The following TMEM178B variants were observed in gnomAD, a reference collection of about 807,000 sequenced individuals.
TMEM178B encodes transmembrane protein 178B.
TMEM178B carries 5 observed loss-of-function variants against 31.0 expected under a neutral mutation model. That is an observed-to-expected ratio of 0.16 (90% CI 0.08 to 0.34). The LOEUF (loss-of-function observed/expected upper bound fraction) is 0.34, where lower values mean the gene tolerates loss of function less well. Ranked by LOEUF, TMEM178B falls within the 10% of genes least tolerant of loss-of-function variation. The pLI is 1.00. For missense variants in TMEM178B, 275 were observed against 400.3 expected, an observed-to-expected ratio of 0.69 and a Z score of 2.67; for synonymous variants, 164 against 164.0, an observed-to-expected ratio of 1.00 and a Z score of 0.00.
chr7:141,332,996 G>A (rs758798710), intron 2 of TMEM178B, among the ~76,000 whole-genome samples: 6 of 152,056 alleles, frequency 3.9e-5, no homozygotes, highest in Non-Finnish European at 8.8e-5. Context: ...CCATCCATTT[G>A]GAATCCACCA....
chr7:141,448,354 A>G (rs1586967344), intron 3 of TMEM178B, among the ~76,000 whole-genome samples: 1 of 152,120 alleles, frequency 6.6e-6, no homozygotes, highest in Non-Finnish European at 1.5e-5. Flanking sequence ...AACGTTGGGT[A>G]TGAATAATTA....
At chr7:141,337,115 A>C (rs1799423286) in intron 2 of TMEM178B, among the ~76,000 whole-genome samples, 1 of 70,110 alleles carries the variant, frequency 1.4e-5, no homozygotes. Flanking sequence ...CACCACCACC[A>C]CCATCACCAC....
chr7:141,085,861 C>T (rs184667118), intron 1 of TMEM178B, among the ~76,000 whole-genome samples: 155 of 151,970 alleles, frequency 1.0e-3, no homozygotes, highest in Non-Finnish European at 1.9e-3. Flanking sequence ...GCCTGTGGCC[C>T]GGCCCTTCCA....
intron 2 of TMEM178B, among the ~76,000 whole-genome samples, chr7:141,335,987 G>C (rs1799378753): frequency 6.6e-6 from 1 of 152,186 alleles, no homozygotes; most frequent in African/African-American, 2.4e-5. Flanking sequence ...CACAGCTTTA[G>C]ATCATTTCAC....
chr7:141,358,722 G>A lies in TMEM178B; in HGVS notation c.497-78886G>A, dbSNP rs116041176. Among the ~76,000 whole-genome samples, 471 of 152,106 alleles carry A rather than the reference G, an allele frequency of 3.1e-3. 1 individual carries two copies. Among genetic ancestry groups the A allele is most frequent in the African/African-American group, 9.7e-3 (403 of 41,504 alleles). On this transcript the variant is annotated intron_variant, in intron 2 of 3. Transcript: ENST00000565468. ...TCAAAGAATTCTAATAAGTCGGCAA[G>A]CATTCCCTTGTTTGAGCCATCTGGC...
chr7:141,509,854 C>T, the TMEM178B span, among the ~76,000 whole-genome samples: 4 of 152,152 alleles, frequency 2.6e-5, no homozygotes, highest in Non-Finnish European at 5.9e-5. Context: ...TGTTTCAGCT[C>T]TATTAATCCT....
intron 2 of TMEM178B, among the ~76,000 whole-genome samples, chr7:141,226,860 A>G (rs1212591113): frequency 4.5e-5 from 2 of 44,622 alleles, no homozygotes; most frequent in African/African-American, 2.2e-4. Context: ...TACCACTCTG[A>G]AAAAAAAAAA....
chr7:141,287,797 C>G (rs1798471045), intron 2 of TMEM178B, among the ~76,000 whole-genome samples: 1 of 152,192 alleles, frequency 6.6e-6, no homozygotes, highest in Non-Finnish European at 1.5e-5. Flanking sequence ...AACTGTTCTC[C>G]TATTATCCTT....
At chr7:141,133,651 C>T (rs897092705) in intron 1 of TMEM178B, among the ~76,000 whole-genome samples, 8 of 152,076 alleles carry the variant, frequency 5.3e-5, no homozygotes, top group Non-Finnish European at 1.2e-4. Flanking sequence ...GAGGCAAAGG[C>T]GTAGAAAACC....
At position 141,155,476 on chromosome 7, in the gene TMEM178B, G is replaced by GT. The variant is rs151229535; in HGVS notation, c.383-57112dup. The stretch of plus-strand genomic sequence containing the variant: ...CCACCATGATTTCAAGCTCTCAGCA[G>GT]TTTAACAGCTGGCACACAAAATGAA... On this transcript the variant is annotated intron_variant, in intron 1 of 3. Transcript: ENST00000565468. Among the ~76,000 whole-genome samples, 971 of 152,342 alleles carry GT rather than the reference G, an allele frequency of 6.4e-3. 7 individuals are homozygous for GT. Among genetic ancestry groups the GT allele is most frequent in the African/African-American group, 0.022 (915 of 41,574 alleles).
At chr7:141,192,449 G>T (rs1292568031) in intron 1 of TMEM178B, among the ~76,000 whole-genome samples, 1 of 151,992 alleles carries the variant, frequency 6.6e-6, no homozygotes, top group Non-Finnish European at 1.5e-5. Flanking sequence ...TACAACTTGG[G>T]TTGAGAGATG....
chr7:141,076,201 G>C lies in TMEM178B; in HGVS notation c.382+1509G>C, dbSNP rs139336170. On this transcript the variant is annotated intron_variant, in intron 1 of 3. Transcript: ENST00000565468. ...AGGGGAGTCCAGAAGAGACCAACTTGGGTTTGGCTGCCAAGGCAGGAAAAC... is the reference window on the plus strand; with the variant it reads ...AGGGGAGTCCAGAAGAGACCAACTTCGGTTTGGCTGCCAAGGCAGGAAAAC... Among the ~76,000 whole-genome samples the C allele has an allele frequency of 9.2e-4, 140 of 152,292 alleles. 1 individual carries two copies. Among genetic ancestry groups the C allele is most frequent in the Middle Eastern group, 3.4e-3 (1 of 294 alleles).
intron 2 of TMEM178B, among the ~76,000 whole-genome samples, chr7:141,312,106 C>A (rs1371762159): frequency 6.6e-6 from 1 of 152,182 alleles, no homozygotes; most frequent in East Asian, 1.9e-4. Context: ...CTCACATTTC[C>A]CATTACCTCC....
At chr7:141,122,431 C>T (rs1795424784) in intron 1 of TMEM178B, among the ~76,000 whole-genome samples, 1 of 152,196 alleles carries the variant, frequency 6.6e-6, no homozygotes, top group Admixed American at 6.5e-5. Context: ...AGGGCTGTCA[C>T]ATGTAAGAAT....
intron 2 of TMEM178B, among the ~76,000 whole-genome samples, chr7:141,274,629 T>C (rs1476118371): frequency 6.6e-6 from 1 of 152,198 alleles, no homozygotes; most frequent in Non-Finnish European, 1.5e-5. Context: ...AGGTCCAAGC[T>C]CTGTCCATGC....
At chr7:141,167,357 ACT>A (rs1796278303) in intron 1 of TMEM178B, among the ~76,000 whole-genome samples, 1 of 152,174 alleles carries the variant, frequency 6.6e-6, no homozygotes, top group Non-Finnish European at 1.5e-5. Context: ...AATATAGGAC[ACT>A]CTGTCTTGCG....
intron 2 of TMEM178B, among the ~76,000 whole-genome samples, chr7:141,228,220 A>G (rs975709249): frequency 2.6e-5 from 4 of 152,126 alleles, no homozygotes; most frequent in South Asian, 2.1e-4. Flanking sequence ...GTTTTCATAT[A>G]TATGTTGTAT....
At chr7:141,105,065 C>T (rs1795119644) in intron 1 of TMEM178B, among the ~76,000 whole-genome samples, 1 of 152,158 alleles carries the variant, frequency 6.6e-6, no homozygotes, top group South Asian at 2.1e-4. Context: ...CCAGGGTGGC[C>T]TTTCATCCCA....
At chr7:141,274,193 AT>A (rs1307577763) in intron 2 of TMEM178B, among the ~76,000 whole-genome samples, 1 of 152,202 alleles carries the variant, frequency 6.6e-6, no homozygotes, top group African/African-American at 2.4e-5. Flanking sequence ...ACCACCTGAC[AT>A]TATAAATGGC....
Sources: gnomAD v4.1 joint callset for allele counts (sites outside exome capture counted in the v4.1 genomes callset) on GRCh38, gnomAD v4.1.1 for gene constraint, MANE v1.5 for transcripts, NCBI Gene and HGNC (gene_info 2026-07-23, HGNC 2026-07-21) for gene names.